The following CHST9 variants were observed in gnomAD, a reference collection of about 807,000 sequenced individuals.
The protein encoded by CHST9 is GalNAc-4-sulfotransferase 2.
In CHST9, 41 loss-of-function variants were observed where a neutral mutation model predicts 44.4. The ratio of observed to expected loss-of-function variants is 0.92; its 90% CI spans 0.72 to 1.20. The LOEUF (loss-of-function observed/expected upper bound fraction) is 1.20. Among genes scored for constraint, CHST9 ranks in the 50% most tolerant of loss-of-function variants. CHST9 has a pLI of 0.00. For synonymous variants in CHST9, 171 were observed against 178.4 expected (o/e 0.96, Z 0.33); for missense variants, 504 against 516.5 (o/e 0.98, Z 0.23).
intron 4 of CHST9, among the ~76,000 whole-genome samples, chr18:26,968,264 AGATATAT>A (rs1267608564): frequency 2.0e-5 from 3 of 152,130 alleles, no homozygotes. Context: ...TGACCAAAAA[AGATATAT>A]TATATAAGTA....
chr18:27,035,348 T>C (rs1188240313), intron 3 of CHST9, among the ~76,000 whole-genome samples: 1 of 152,172 alleles, frequency 6.6e-6, no homozygotes, highest in East Asian at 1.9e-4. Flanking sequence ...TTTTAAATCA[T>C]GGTTTTTGTT....
chr18:26,932,828 C>G (rs1400803476), intron 5 of CHST9, among the ~76,000 whole-genome samples: 1 of 152,296 alleles, frequency 6.6e-6, no homozygotes, highest in South Asian at 2.1e-4. Context: ...TTTCCATATT[C>G]TAGGTAGTAA....
chr18:27,039,684 T>A (rs891016457), intron 3 of CHST9, among the ~76,000 whole-genome samples: 1 of 152,072 alleles, frequency 6.6e-6, no homozygotes, highest in African/African-American at 2.4e-5. Context: ...TTTATAATTT[T>A]AAAAAATAAA....
At chr18:26,985,947 C>G (rs1046822138) in intron 4 of CHST9, among the ~76,000 whole-genome samples, 2 of 152,108 alleles carry the variant, frequency 1.3e-5, no homozygotes, top group African/African-American at 4.8e-5. Flanking sequence ...ATCATAAAAA[C>G]AAGAACCAAA....
At chr18:27,135,577 A>C (rs2058506837) in intron 2 of CHST9, among the ~76,000 whole-genome samples, 1 of 152,230 alleles carries the variant, frequency 6.6e-6, no homozygotes, top group South Asian at 2.1e-4. Flanking sequence ...AGCCAAAGTC[A>C]GTACCTCTGG....
chr18:27,159,676 T>C (rs974739024), intron 1 of CHST9, among the ~76,000 whole-genome samples: 2 of 152,206 alleles, frequency 1.3e-5, no homozygotes, highest in African/African-American at 4.8e-5. Context: ...GGGGATGGCA[T>C]TGAATCTATA....
At chr18:27,109,804 C>T (rs916981413) in intron 2 of CHST9, among the ~76,000 whole-genome samples, 9 of 151,988 alleles carry the variant, frequency 5.9e-5, no homozygotes, top group Non-Finnish European at 1.0e-4. Context: ...GCCCCAGTTA[C>T]CTAGGTGAGT....
chr18:27,163,454 G>A (rs1598771318), intron 1 of CHST9, among the ~76,000 whole-genome samples: 1 of 152,158 alleles, frequency 6.6e-6, no homozygotes, highest in South Asian at 2.1e-4. Flanking sequence ...AGCTGCAGTG[G>A]GCTCCACCCA....
intron 2 of CHST9, among the ~76,000 whole-genome samples, chr18:27,095,829 T>C (rs2058111439): frequency 6.6e-6 from 1 of 152,094 alleles, no homozygotes; most frequent in South Asian, 2.1e-4. Flanking sequence ...AGCCACACAA[T>C]GATAGTGGGG....
intron 4 of CHST9, among the ~76,000 whole-genome samples, chr18:26,964,143 G>A (rs186642691): frequency 2.0e-5 from 3 of 152,148 alleles, no homozygotes; most frequent in African/African-American, 4.8e-5. Flanking sequence ...ATTTATTAAC[G>A]TTCTAATGCT....
chr18:26,919,615 C>G (rs780873126), intron 5 of CHST9, among the ~76,000 whole-genome samples: 1 of 152,134 alleles, frequency 6.6e-6, no homozygotes, highest in Admixed American at 6.5e-5. Flanking sequence ...TAAAGCCTCC[C>G]CATTTGTCCA....
intron 1 of CHST9, among the ~76,000 whole-genome samples, chr18:27,147,268 T>C (rs1354513492): frequency 6.6e-6 from 1 of 152,024 alleles, no homozygotes; most frequent in East Asian, 1.9e-4. Context: ...GGTTTCTCCG[T>C]GTTTGTCAGG....
intron 1 of CHST9, among the ~76,000 whole-genome samples, chr18:27,162,902 T>A (rs942203299): frequency 6.6e-6 from 1 of 152,202 alleles, no homozygotes; most frequent in Non-Finnish European, 1.5e-5. Context: ...TTTTTAGAGT[T>A]TCCAGTTTTT....
At chr18:27,054,381 T>C (rs1352037) in intron 2 of CHST9, among the ~76,000 whole-genome samples, 50,772 of 152,076 alleles carry the variant, frequency 0.33, 9,801 homozygotes, top group Non-Finnish European at 0.45. Context: ...TTGCATCTTA[T>C]TTCTGCTTAA....
chr18:27,077,244 T>G (rs187089515), intron 2 of CHST9, among the ~76,000 whole-genome samples: 2 of 152,318 alleles, frequency 1.3e-5, no homozygotes, highest in African/African-American at 4.8e-5. Context: ...TAATTTTAAT[T>G]AGAACATAAA....
chr18:26,996,759 T>A (rs184222645), intron 4 of CHST9, among the ~76,000 whole-genome samples: 1 of 152,186 alleles, frequency 6.6e-6, no homozygotes, highest in Non-Finnish European at 1.5e-5. Flanking sequence ...GTATGTGAAA[T>A]GCATGGCTGT....
At chr18:27,153,512 GTC>G (rs962805467) in intron 1 of CHST9, among the ~76,000 whole-genome samples, 2 of 148,472 alleles carry the variant, frequency 1.3e-5, no homozygotes, top group Non-Finnish European at 3.0e-5. Context: ...CTCTGTCTCT[GTC>G]TCTCTCTGTC....
At chr18:27,137,334 GT>G in intron 2 of CHST9, among the ~76,000 whole-genome samples, 1 of 145,836 alleles carries the variant, frequency 6.9e-6, no homozygotes, top group East Asian at 1.9e-4. Context: ...GTGTGTGTGT[GT>G]GTGTGTGTGT....
intron 4 of CHST9, among the ~76,000 whole-genome samples, chr18:26,981,079 C>T (rs2056686190): frequency 6.6e-6 from 1 of 152,100 alleles, no homozygotes; most frequent in Non-Finnish European, 1.5e-5. Context: ...TATTCACATT[C>T]TCTAATAGCA....
Sources: gnomAD v4.1 joint callset for allele counts (sites outside exome capture counted in the v4.1 genomes callset) on GRCh38, gnomAD v4.1.1 for gene constraint, MANE v1.5 for transcripts, NCBI Gene and HGNC (gene_info 2026-07-23, HGNC 2026-07-21) for gene names.